Variants in CIB1 observed in about 807,000 individuals in gnomAD.
CIB1 encodes calcium and integrin-binding protein 1.
CIB1 carries 19 observed loss-of-function variants against 25.0 expected under a neutral mutation model. That is an observed-to-expected ratio of 0.76 (90% CI 0.53 to 1.12). CIB1 has a LOEUF of 1.12. Ranked by LOEUF, CIB1 falls within the 50% of genes most tolerant of loss-of-function variation. CIB1 has a pLI of 0.00. For missense variants in CIB1, 236 were observed against 242.6 expected, an observed-to-expected ratio of 0.97 and a Z score of 0.18; for synonymous variants, 104 against 98.5, an observed-to-expected ratio of 1.06 and a Z score of -0.33.
upstream of CIB1, chr15:90,234,111 A>C: frequency 3.4e-6 from 1 of 294,244 alleles, no homozygotes; most frequent in East Asian, 6.1e-5. Flanking sequence ...GGGCCCGGGG[A>C]GGGGCCCGAC....
chr15:90,233,662 C>A lies in CIB1; in HGVS notation c.86+7G>T. ...GGGTCGGAGGCAGGGTTCAAGGCAG[C>A]ACTTACAGGAGGATCTCCTGCTTCG... On this transcript the variant is annotated splice_region_variant and intron_variant, in intron 2 of 6. Transcript: ENST00000328649. 1 of 1,575,864 alleles carries A rather than the reference C, an allele frequency of 6.3e-7. No homozygotes were observed. Among genetic ancestry groups the A allele is most frequent in the Non-Finnish European group, 8.6e-7 (1 of 1,160,428 alleles).
Position 90,232,331 on chromosome 15 carries a change from G to A in CIB1, c.87-4C>T, listed in dbSNP as rs373662059. The A allele has an allele frequency of 7.5e-6, 12 of 1,599,946 alleles. No individual in the cohort carries two copies. In the African/African-American group the frequency reaches 1.1e-4, roughly 14 times the overall value. On this transcript the variant is annotated splice_polypyrimidine_tract_variant and splice_region_variant and intron_variant, in intron 2 of 6. Coordinates refer to ENST00000328649, the MANE Select transcript of CIB1 (RefSeq NM_006384.4). ...CTCACAAAACCGCCTGTGGGCTCTG[G>A]TAGAGAGAGGGGAACTGTCGGTGTT...
rs1297685895 is a variant in CIB1, at chr15:90,230,451, G to C, written c.*33C>G. ...CAGCTCAGCAGTAGAAAGGTTCTTGGACAGGGTGCCAGGACACACGCTGGG... is the reference window on the plus strand; with the variant it reads ...CAGCTCAGCAGTAGAAAGGTTCTTGCACAGGGTGCCAGGACACACGCTGGG... On this transcript the variant is annotated 3_prime_UTR_variant, in exon 7 of 7. Transcript: ENST00000328649. 6.4e-7 allele frequency: 1 copy of C among 1,551,234 alleles called. No homozygotes were observed. The highest frequency in any genetic ancestry group is 2.4e-5 in the East Asian group (1 of 40,914).
chr15:90,262,702 C>T, the CIB1 span: 6 of 1,448,472 alleles, frequency 4.1e-6, no homozygotes, highest in Non-Finnish European at 4.5e-6. Flanking sequence ...TATCTTTCCA[C>T]AGGAAAATGG....
the CIB1 span, among the ~76,000 whole-genome samples, chr15:90,240,048 A>G: frequency 6.6e-6 from 1 of 151,760 alleles, no homozygotes; most frequent in South Asian, 2.1e-4. Flanking sequence ...ACATGGTGAA[A>G]CCCTGTCTCT....
chr15:90,263,464 G>T, the CIB1 span: 2 of 484,592 alleles, frequency 4.1e-6, no homozygotes, highest in East Asian at 3.3e-5. Flanking sequence ...ACCACCCTCA[G>T]TGGCTTCTGT....
chr15:90,257,731 T>C, the CIB1 span: 2 of 1,612,928 alleles, frequency 1.2e-6, no homozygotes, highest in Middle Eastern at 1.7e-4. Context: ...AGGTACTCCC[T>C]ACTCTGTTTT....
At chr15:90,250,846 C>G in the CIB1 span, 1 of 1,614,108 alleles carries the variant, frequency 6.2e-7, no homozygotes, top group Non-Finnish European at 8.5e-7. Context: ...TTGACACAGG[C>G]GACTTAGAAG....
the CIB1 span, among the ~76,000 whole-genome samples, chr15:90,256,601 C>CTTTCTTTA: frequency 3.0e-5 from 1 of 32,992 alleles, no homozygotes; most frequent in Admixed American, 4.3e-4. Flanking sequence ...TTCTTTCTTT[C>CTTTCTTTA]TTTCTTTCCT....
At chr15:90,241,333 C>T in the CIB1 span, 4 of 1,614,212 alleles carry the variant, frequency 2.5e-6, no homozygotes, top group Non-Finnish European at 3.4e-6. Context: ...CACCGGGAGC[C>T]TGATCTCCCT....
chr15:90,230,798 C>T, intron 6 of CIB1, 136 bp downstream of exon 6: 1 of 847,970 alleles, frequency 1.2e-6, no homozygotes, highest in African/African-American at 1.7e-5. Flanking sequence ...GCGAGACTGC[C>T]AGCTTAGCCG....
At chr15:90,240,341 C>G in the CIB1 span, among the ~76,000 whole-genome samples, 3 of 151,196 alleles carry the variant, frequency 2.0e-5, no homozygotes, top group African/African-American at 7.3e-5. Context: ...AACCCTGCCT[C>G]TACTAAAAAT....
chr15:90,231,191 C>T lies in CIB1; in HGVS notation c.369G>A (p.Leu123=). 1 of 1,610,926 alleles carries T rather than the reference C, an allele frequency of 6.2e-7. No homozygotes were observed. The highest frequency in any genetic ancestry group is 1.1e-5 in the South Asian group (1 of 90,790). ...RIFDFDDDGT[L]NREDLSRLVN... is the part of the protein sequence containing the mutation. ...CCAGCCGGCTCAGGTCTTCTCTGTT[C>T]AAGGTTCCGTCATCATCAAAGTCTA... Residue 123 remains leucine, a synonymous_variant, in exon 5 of 7, where the codon TTG becomes TTA. Coordinates refer to ENST00000328649, the MANE Select transcript of CIB1 (RefSeq NM_006384.4).
the CIB1 span, chr15:90,259,057 A>T: frequency 6.6e-7 from 1 of 1,510,748 alleles, no homozygotes; most frequent in Non-Finnish European, 8.9e-7. Flanking sequence ...TAATATGTTC[A>T]TATTTGCATT....
At chr15:90,256,188 A>G in the CIB1 span, 22 of 1,614,178 alleles carry the variant, frequency 1.4e-5, no homozygotes, top group African/African-American at 1.6e-4. Context: ...GCCCGCACAT[A>G]TATCTGCAAG....
chr15:90,235,904 GAGAA>G (rs546942544), upstream of CIB1, among the ~76,000 whole-genome samples: 342 of 152,210 alleles, frequency 2.2e-3, 1 homozygote, highest in Non-Finnish European at 4.0e-3. Flanking sequence ...CTTTCTGTCC[GAGAA>G]AGAGTTAGTC....
chr15:90,262,033 G>A, the CIB1 span: 101 of 1,535,266 alleles, frequency 6.6e-5, no homozygotes, highest in Middle Eastern at 3.3e-4. Context: ...CATCCCATGT[G>A]GCAATGCTGG....
the CIB1 span, chr15:90,262,980 G>C: frequency 2.9e-5 from 45 of 1,535,798 alleles, no homozygotes; most frequent in Non-Finnish European, 2.9e-5. Context: ...TGCCGGGACA[G>C]CTGGACACCA....
chr15:90,250,950 C>CA, the CIB1 span: 1 of 1,566,316 alleles, frequency 6.4e-7, no homozygotes, highest in South Asian at 1.2e-5. Flanking sequence ...GGCCTCCCTT[C>CA]AACATCTGGA....
Sources: allele counts gnomAD v4.1 joint callset (sites outside exome capture counted in the v4.1 genomes callset), GRCh38; gene constraint gnomAD v4.1.1; transcripts MANE v1.5; gene names NCBI Gene and HGNC (gene_info 2026-07-23, HGNC 2026-07-21).